LRRC1: variants seen among roughly 807,000 people sequenced by gnomAD.
The protein encoded by LRRC1 is leucine-rich repeat-containing protein 1.
A neutral mutation model predicts 69.9 loss-of-function variants in LRRC1; 28 were observed. The ratio of observed to expected loss-of-function variants is 0.40; its 90% CI spans 0.30 to 0.55. LRRC1 has a LOEUF of 0.55. LRRC1 is among the 20% of genes least tolerant of loss of function. The pLI is 0.47. For synonymous variants in LRRC1, 236 were observed against 240.2 expected (o/e 0.98, Z 0.16); for missense variants, 498 against 609.0 (o/e 0.82, Z 1.92).
At chr6:53,894,966 C>G (rs1284537662) in intron 4 of LRRC1, among the ~76,000 whole-genome samples, 2 of 149,656 alleles carry the variant, frequency 1.3e-5, no homozygotes, top group African/African-American at 4.9e-5. Context: ...GAGTCTCGCT[C>G]TGTCGCCCAG....
At chr6:53,798,852 T>C (rs921224062) in intron 1 of LRRC1, among the ~76,000 whole-genome samples, 8 of 152,234 alleles carry the variant, frequency 5.3e-5, no homozygotes, top group African/African-American at 1.9e-4. Flanking sequence ...TTTTCTAATA[T>C]AGTCAGAATA....
chr6:53,827,730 AGC>A (rs1419517051), intron 1 of LRRC1, among the ~76,000 whole-genome samples: 1 of 152,182 alleles, frequency 6.6e-6, no homozygotes, highest in Non-Finnish European at 1.5e-5. Context: ...CTGGACTGGA[AGC>A]CAGAGAGGTT....
At chr6:53,892,300 GTATTAT>G (rs1025158979) in intron 4 of LRRC1, among the ~76,000 whole-genome samples, 1 of 152,044 alleles carries the variant, frequency 6.6e-6, no homozygotes, top group African/African-American at 2.4e-5. Context: ...TAAGTTGCCA[GTATTAT>G]TATTATTAGT....
chr6:53,906,092 A>C (rs1396190622), intron 10 of LRRC1, among the ~76,000 whole-genome samples: 1 of 152,216 alleles, frequency 6.6e-6, no homozygotes, highest in African/African-American at 2.4e-5. Flanking sequence ...ACTGTACTAG[A>C]TGCTTTCAAG....
chr6:53,832,373 A>G (rs1393984194), intron 1 of LRRC1, among the ~76,000 whole-genome samples: 1 of 152,164 alleles, frequency 6.6e-6, no homozygotes, highest in Admixed American at 6.5e-5. Context: ...AACCTTGCAC[A>G]TAGTTGGCAT....
chr6:53,804,062 TG>T (rs1207337657), intron 1 of LRRC1, among the ~76,000 whole-genome samples: 1 of 152,208 alleles, frequency 6.6e-6, no homozygotes, highest in Non-Finnish European at 1.5e-5. Flanking sequence ...GCTGAATAAA[TG>T]CCTTTGAGGC....
At chr6:53,916,615 C>T (rs1451260372) in intron 11 of LRRC1, among the ~76,000 whole-genome samples, 2 of 152,028 alleles carry the variant, frequency 1.3e-5, no homozygotes, top group East Asian at 3.9e-4. Context: ...GGAGTTTTCA[C>T]TTTAGATATT....
chr6:53,855,318 A>C (rs1002318299), intron 2 of LRRC1, among the ~76,000 whole-genome samples: 19 of 152,248 alleles, frequency 1.2e-4, no homozygotes, highest in African/African-American at 4.6e-4. Flanking sequence ...GTTAAAGAAC[A>C]AGCCTTCCAT....
intron 5 of LRRC1, 79 bp from the exon 6 acceptor site, chr6:53,896,750 C>T (rs1767886840): frequency 4.0e-6 from 4 of 1,007,390 alleles, no homozygotes; most frequent in Non-Finnish European, 3.1e-6. Flanking sequence ...ATTTTTGAAG[C>T]TAGTCCAAGT....
chr6:53,837,953 A>G (rs891697064), intron 1 of LRRC1, among the ~76,000 whole-genome samples: 3 of 152,200 alleles, frequency 2.0e-5, no homozygotes, highest in African/African-American at 7.2e-5. Context: ...TTAGTGAGCT[A>G]TAATCAAACA....
At chr6:53,860,231 C>T (rs1036162047) in intron 2 of LRRC1, among the ~76,000 whole-genome samples, 4 of 152,146 alleles carry the variant, frequency 2.6e-5, no homozygotes. Flanking sequence ...GTCATAAGCA[C>T]CACTCATTAT....
chr6:53,822,179 A>G (rs1316027586), intron 1 of LRRC1, among the ~76,000 whole-genome samples: 1 of 152,202 alleles, frequency 6.6e-6, no homozygotes, highest in Non-Finnish European at 1.5e-5. Context: ...AGAAGAACAT[A>G]GCAATCGAGG....
rs1438495972 is a variant in LRRC1 at position 53,924,062 on chromosome 6, T to C, written c.*1269T>C. On this transcript the variant is annotated 3_prime_UTR_variant, in exon 14 of 14. Transcript: ENST00000370888. ...ATGAAAAGTGCCAGTCACTGTGTGG[T>C]GTCTAGGAAAATCATATATATTTTT... 3 of 152,684 alleles carry C rather than the reference T, an allele frequency of 2.0e-5. No homozygotes were observed. Among genetic ancestry groups the C allele is most frequent in the African/African-American group, 7.2e-5 (3 of 41,468 alleles). The allele number at this position is 152,684 out of a possible 1,614,324, so 9.5% of individuals were successfully genotyped here.
At chr6:53,801,293 C>G (rs981595214) in intron 1 of LRRC1, among the ~76,000 whole-genome samples, 5 of 152,146 alleles carry the variant, frequency 3.3e-5, no homozygotes, top group Non-Finnish European at 5.9e-5. Context: ...TGCAAAATTG[C>G]ATCATTGTTG....
chr6:53,866,133 G>A (rs1345838863), intron 2 of LRRC1, among the ~76,000 whole-genome samples: 1 of 152,066 alleles, frequency 6.6e-6, no homozygotes, highest in Non-Finnish European at 1.5e-5. Flanking sequence ...TTACCAGTTG[G>A]TATGAAAAGT....
intron 2 of LRRC1, among the ~76,000 whole-genome samples, chr6:53,875,892 G>A (rs1432887784): frequency 6.6e-6 from 1 of 152,044 alleles, no homozygotes; most frequent in Non-Finnish European, 1.5e-5. Context: ...TTTGTGTTAG[G>A]AACTTTCTAT....
At chr6:53,808,688 T>A (rs1242743329) in intron 1 of LRRC1, among the ~76,000 whole-genome samples, 2 of 46,126 alleles carry the variant, frequency 4.3e-5, no homozygotes, top group African/African-American at 1.2e-4. Flanking sequence ...CCAGTGTTCC[T>A]TATCATGGAC....
intron 11 of LRRC1, chr6:53,918,904 A>AG (rs146827338): frequency 5.8e-4 from 89 of 152,304 alleles, no homozygotes; most frequent in African/African-American, 2.1e-3. Flanking sequence ...CTAGAAACTG[A>AG]GAGATAAAGG....
chr6:53,855,765 C>A (rs565636143), intron 2 of LRRC1, among the ~76,000 whole-genome samples: 1 of 152,192 alleles, frequency 6.6e-6, no homozygotes, highest in Non-Finnish European at 1.5e-5. Context: ...AGGCCTTCCT[C>A]ACCCCACCCC....
Sources: gnomAD v4.1 joint callset for allele counts (sites outside exome capture counted in the v4.1 genomes callset) on GRCh38, gnomAD v4.1.1 for gene constraint, MANE v1.5 for transcripts, NCBI Gene and HGNC (gene_info 2026-07-23, HGNC 2026-07-21) for gene names.